COL19A1: variants seen among roughly 807,000 people sequenced by gnomAD.
COL19A1 encodes the protein collagen type XIX alpha 1 chain.
Under a neutral mutation model 190.2 loss-of-function variants are expected in COL19A1, and 159 were observed. That is an observed-to-expected ratio of 0.84 (90% CI 0.73 to 0.95). The LOEUF (loss-of-function observed/expected upper bound fraction) is 0.95. Among genes scored for constraint, COL19A1 ranks in the 40% least tolerant of loss-of-function variants. The pLI is 0.00. For synonymous variants in COL19A1, 509 were observed against 458.9 expected (o/e 1.11, Z -1.39); for missense variants, 1,418 against 1,431.9 (o/e 0.99, Z 0.16).
At chr6:69,907,378 C>T (rs902852896) in intron 4 of COL19A1, among the ~76,000 whole-genome samples, 2 of 152,080 alleles carry the variant, frequency 1.3e-5, no homozygotes, top group East Asian at 3.9e-4. Flanking sequence ...GATCCACCCG[C>T]CTCGGCCCCC....
intron 2 of COL19A1, among the ~76,000 whole-genome samples, chr6:69,892,457 T>A (rs894418670): frequency 5.1e-4 from 78 of 152,230 alleles, no homozygotes; most frequent in African/African-American, 1.9e-3. Context: ...CAAATCATCA[T>A]AGGACTGAGT....
chr6:69,940,700 G>A (rs956491636), intron 9 of COL19A1, among the ~76,000 whole-genome samples: 10 of 152,110 alleles, frequency 6.6e-5, no homozygotes, highest in East Asian at 1.9e-4. Flanking sequence ...TCTACACAAC[G>A]AATAACTAAT....
intron 4 of COL19A1, among the ~76,000 whole-genome samples, chr6:69,902,094 A>AC (rs1278224113): frequency 6.6e-6 from 1 of 152,136 alleles, no homozygotes; most frequent in African/African-American, 2.4e-5. Flanking sequence ...ACTATAGGAA[A>AC]CCGGGGGTAT....
intron 15 of COL19A1, among the ~76,000 whole-genome samples, chr6:70,073,872 A>G (rs1241331366): frequency 6.6e-6 from 1 of 152,172 alleles, no homozygotes; most frequent in Non-Finnish European, 1.5e-5. Context: ...TAAAATTTAC[A>G]CTTGGTTTTT....
At chr6:69,866,704 A>T (rs1323388501) in intron 1 of COL19A1, 64 bp downstream of exon 1, 1 of 152,232 alleles carries the variant, frequency 6.6e-6, no homozygotes, top group Non-Finnish European at 1.5e-5. Flanking sequence ...GGGCTATGTC[A>T]TCTGCTCGTG....
chr6:69,881,586 AG>A (rs1399034191), intron 2 of COL19A1, among the ~76,000 whole-genome samples: 2 of 152,238 alleles, frequency 1.3e-5, no homozygotes, highest in Admixed American at 6.5e-5. Context: ...CATGATGTAT[AG>A]GACTACCAAA....
At chr6:70,054,275 A>G (rs936217531) in intron 14 of COL19A1, among the ~76,000 whole-genome samples, 1 of 152,166 alleles carries the variant, frequency 6.6e-6, no homozygotes, top group Non-Finnish European at 1.5e-5. Context: ...ACTTGAACCC[A>G]GGAGGCGGAG....
At chr6:70,068,540 A>G in intron 15 of COL19A1, 64 bp downstream of exon 15, 1 of 1,060,290 alleles carries the variant, frequency 9.4e-7, no homozygotes, top group South Asian at 1.4e-5. Flanking sequence ...TGGGAACACT[A>G]ATGAAAATGA....
intron 15 of COL19A1, among the ~76,000 whole-genome samples, chr6:70,093,511 G>T (rs984308272): frequency 1.3e-5 from 2 of 151,906 alleles, no homozygotes; most frequent in African/African-American, 2.4e-5. Context: ...GGAAGGTTTG[G>T]GTTGGCCTCA....
At chr6:70,193,344 T>C (rs1766998032) in intron 48 of COL19A1, among the ~76,000 whole-genome samples, 1 of 152,204 alleles carries the variant, frequency 6.6e-6, no homozygotes. Context: ...TCCATCTGTG[T>C]TGGGGCAGGC....
Position 69,900,320 on chromosome 6 carries a change from T to G in COL19A1, c.248T>G (p.Leu83Arg), listed in dbSNP as rs1770096864. Residue 83 changes from leucine (L) to arginine (R), a missense_variant, in exon 4 of 51, where the codon CTT (leucine) becomes CGT (arginine). Coordinates refer to ENST00000620364, the MANE Select transcript of COL19A1 (RefSeq NM_001858.6). ...DKTCFKLGSA[L>R]LIRDTIKIFP... is the part of the protein sequence containing the mutation. Reference sequence around the variant, plus strand: ...ACCTGTTTCAAATTGGGAAGTGCACTTCTTATTAGAGACACTATGTAAGTA... The same window carrying G: ...ACCTGTTTCAAATTGGGAAGTGCACGTCTTATTAGAGACACTATGTAAGTA... The G allele has an allele frequency of 6.3e-7, 1 of 1,576,096 alleles. No homozygotes were observed. The highest frequency in any genetic ancestry group is 1.3e-5 in the African/African-American group (1 of 74,140).
Position 70,071,069 on chromosome 6 carries a change from T to C in COL19A1, c.1224+2593T>C, listed in dbSNP as rs1034254112. Among the ~76,000 whole-genome samples, 6 of 152,074 alleles carry C rather than the reference T, an allele frequency of 3.9e-5. No individual in the cohort carries two copies. The South Asian group carries it at 1.2e-3, about 31-fold the overall frequency. On this transcript the variant is annotated intron_variant, in intron 15 of 50. Transcript: ENST00000620364. ...AGCAGAACATTTAATTTTAAACAAA[T>C]CATTAACTTGTTGGTTTTCATCAAT...
At chr6:69,948,407 C>A (rs1773944088) in intron 9 of COL19A1, among the ~76,000 whole-genome samples, 1 of 151,738 alleles carries the variant, frequency 6.6e-6, no homozygotes, top group Non-Finnish European at 1.5e-5. Context: ...AAAATGACAG[C>A]CCTTGGATCC....
intron 2 of COL19A1, among the ~76,000 whole-genome samples, chr6:69,898,445 T>C (rs1262923631): frequency 6.6e-6 from 1 of 152,170 alleles, no homozygotes; most frequent in African/African-American, 2.4e-5. Context: ...ATTTTATTTC[T>C]TTTTTTAAAA....
At chr6:70,159,115 C>G (rs1396036493) in intron 34 of COL19A1, among the ~76,000 whole-genome samples, 2 of 149,836 alleles carry the variant, frequency 1.3e-5, no homozygotes. Context: ...CTCAACATCT[C>G]TGGACTGATT....
intron 2 of COL19A1, among the ~76,000 whole-genome samples, chr6:69,883,230 T>TG (rs1328399588): frequency 1.3e-5 from 2 of 152,184 alleles, no homozygotes; most frequent in African/African-American, 4.8e-5. Flanking sequence ...TGAGGGTACA[T>TG]GCTCCTGAGA....
At chr6:70,171,369 C>G (rs1339673740) in intron 40 of COL19A1, among the ~76,000 whole-genome samples, 2 of 152,122 alleles carry the variant, frequency 1.3e-5, no homozygotes, top group Non-Finnish European at 1.5e-5. Flanking sequence ...GGACCATACA[C>G]TAGAAAATGT....
At chr6:69,905,287 A>AG in intron 4 of COL19A1, among the ~76,000 whole-genome samples, 1 of 152,262 alleles carries the variant, frequency 6.6e-6, no homozygotes, top group South Asian at 2.1e-4. Flanking sequence ...GGCAGGTGAA[A>AG]GGTAGTTTTA....
chr6:69,938,084 G>T lies in COL19A1; in HGVS notation c.920G>T (p.Gly307Val). The T allele has an allele frequency of 6.2e-7, 1 of 1,612,608 alleles. No homozygotes were observed. The highest frequency in any genetic ancestry group is 2.2e-5 in the East Asian group (1 of 44,858). The change falls in exon 9 of 51, where the codon GGG becomes GTG. Residue 307 changes from glycine (G) to valine (V), a missense_variant. Coordinates refer to ENST00000620364, the MANE Select transcript of COL19A1 (RefSeq NM_001858.6). ...PGAPGSPGQK[G>V]HKGEPGENGL... ...GCTCCGGGTTCACCTGGGCAGAAAG[G>T]GCATAAAGGAGAGCCGGTAAGAAAA...
Sources: gnomAD v4.1 joint callset for allele counts (sites outside exome capture counted in the v4.1 genomes callset) on GRCh38, gnomAD v4.1.1 for gene constraint, MANE v1.5 for transcripts, NCBI Gene and HGNC (gene_info 2026-07-23, HGNC 2026-07-21) for gene names.